Variants in CAMK4 observed in about 807,000 individuals in gnomAD.
The protein encoded by CAMK4 is calcium/calmodulin-dependent protein kinase type IV.
A neutral mutation model predicts 44.9 loss-of-function variants in CAMK4; 22 were observed. The ratio of observed to expected loss-of-function variants is 0.49; its 90% CI spans 0.35 to 0.70. The LOEUF (loss-of-function observed/expected upper bound fraction) is 0.70, where lower values mean the gene tolerates loss of function less well. Ranked by LOEUF, CAMK4 falls within the 30% of genes least tolerant of loss-of-function variation. The pLI is 0.01. For synonymous variants in CAMK4, 218 were observed against 215.4 expected, an observed-to-expected ratio of 1.01 and a Z score of -0.11; for missense variants, 498 against 586.8, an observed-to-expected ratio of 0.85 and a Z score of 1.56.
chr5:111,460,104 C>T lies in CAMK4; in HGVS notation c.625+10901C>T, dbSNP rs180687657. On this transcript the variant is annotated intron_variant, in intron 7 of 10. Transcript: ENST00000282356. ...TTGCTTAAAATGTCTTATTTTGGAC[C>T]AGAACACCCACAAAATGTTCCACTT... is the stretch of plus-strand genomic sequence containing the variant. Among the ~76,000 whole-genome samples, 72 of 151,758 alleles carry T rather than the reference C, an allele frequency of 4.7e-4. 1 individual carries two copies. Among genetic ancestry groups the T allele is most frequent in the Non-Finnish European group, 6.9e-4 (47 of 67,938 alleles).
At chr5:111,317,823 C>T (rs887573864) in intron 1 of CAMK4, among the ~76,000 whole-genome samples, 1 of 137,162 alleles carries the variant, frequency 7.3e-6, no homozygotes, top group Non-Finnish European at 1.5e-5. Flanking sequence ...ACAACGGGCC[C>T]TGTATTGTCT....
intron 2 of CAMK4, among the ~76,000 whole-genome samples, chr5:111,346,113 C>T (rs1017757699): frequency 1.3e-5 from 2 of 151,886 alleles, no homozygotes; most frequent in Non-Finnish European, 2.9e-5. Flanking sequence ...TTGCCTCTAG[C>T]GTTTCATTCC....
At chr5:111,324,710 C>A (rs560118890) in intron 1 of CAMK4, among the ~76,000 whole-genome samples, 2 of 152,014 alleles carry the variant, frequency 1.3e-5, no homozygotes, top group African/African-American at 4.8e-5. Context: ...TTGACACTTA[C>A]AGAACATCAG....
rs912038995 is a variant in CAMK4 at position 111,490,249 on chromosome 5, G to T, written c.*5783G>T. On this transcript the variant is annotated 3_prime_UTR_variant, in exon 11 of 11. Transcript: ENST00000282356. ...TTTGACAGTTTGTGAATGATAAAAA[G>T]TTACTAGGTTTGTCCTTTCCTTGAT... 2 of 152,142 alleles carry T rather than the reference G, an allele frequency of 1.3e-5. No homozygotes were observed. Among genetic ancestry groups the T allele is most frequent in the Non-Finnish European group, 2.9e-5 (2 of 68,034 alleles). The allele number at this position is 152,142 out of a possible 1,614,324, so 9.4% of individuals were successfully genotyped here.
At chr5:111,424,666 C>G (rs190515954) in intron 5 of CAMK4, among the ~76,000 whole-genome samples, 1 of 151,740 alleles carries the variant, frequency 6.6e-6, no homozygotes, top group East Asian at 2.0e-4. Flanking sequence ...CCAGGATGGT[C>G]TCGATCTCCT....
At chr5:111,392,510 G>A (rs576900083) in intron 4 of CAMK4, among the ~76,000 whole-genome samples, 2 of 152,070 alleles carry the variant, frequency 1.3e-5, no homozygotes, top group South Asian at 4.2e-4. Context: ...CAGTATTGCT[G>A]AGAGTACAGA....
chr5:111,349,512 A>G (rs1037246526), intron 2 of CAMK4, among the ~76,000 whole-genome samples: 2 of 151,902 alleles, frequency 1.3e-5, no homozygotes, highest in African/African-American at 4.8e-5. Context: ...TGAACTTAAA[A>G]CTATATCAAA....
At chr5:111,397,405 G>C (rs1208640048) in intron 5 of CAMK4, among the ~76,000 whole-genome samples, 1 of 152,150 alleles carries the variant, frequency 6.6e-6, no homozygotes, top group Non-Finnish European at 1.5e-5. Context: ...TTTATTAGAT[G>C]TTGTAGATGT....
chr5:111,357,156 A>G (rs767599332), intron 2 of CAMK4, among the ~76,000 whole-genome samples: 2 of 152,142 alleles, frequency 1.3e-5, no homozygotes, highest in African/African-American at 2.4e-5. Context: ...AAAAGGAGAT[A>G]TATAACCAAC....
intron 6 of CAMK4, among the ~76,000 whole-genome samples, chr5:111,448,323 A>G (rs1754101374): frequency 6.6e-6 from 1 of 152,240 alleles, no homozygotes; most frequent in Non-Finnish European, 1.5e-5. Context: ...TTCAAGCTGA[A>G]CAAACCTTTT....
intron 1 of CAMK4, among the ~76,000 whole-genome samples, chr5:111,268,933 T>C (rs1219203243): frequency 6.6e-6 from 1 of 152,092 alleles, no homozygotes; most frequent in African/African-American, 2.4e-5. Context: ...TTATATCAAT[T>C]TAAGAAAGGA....
Position 111,358,375 on chromosome 5 carries a change from G to A in CAMK4, c.240+14273G>A, listed in dbSNP as rs370870351. Among the ~76,000 whole-genome samples, 24 of 152,008 alleles carry A rather than the reference G, an allele frequency of 1.6e-4. No individual in the cohort carries two copies. The South Asian group carries it at 4.8e-3, about 30-fold the overall frequency. On this transcript the variant is annotated intron_variant, in intron 2 of 10. Transcript: ENST00000282356. ...GTATGAACACAGGTGTGGCTATATG[G>A]GTCAGATTCCAATTTCCTTCCTACT...
intron 5 of CAMK4, among the ~76,000 whole-genome samples, chr5:111,439,649 G>C (rs528943118): frequency 2.6e-5 from 4 of 152,164 alleles, no homozygotes; most frequent in African/African-American, 4.8e-5. Context: ...AAGTTGAATG[G>C]AGTCCAGAGC....
rs1454880618 is a variant in CAMK4, at chr5:111,290,829, C to T, written c.162-53195C>T. The stretch of plus-strand genomic sequence containing the variant: ...CTGGGGAGTAGAAAATCACACGTCT[C>T]TTGGAGGTTTATTTAAAAGTGAATA... On this transcript the variant is annotated intron_variant, in intron 1 of 10. Transcript: ENST00000282356. This position sits in a 1 kb window ranked among gnomAD's most constrained non-coding sequence, Gnocchi z 4.5. Among the ~76,000 whole-genome samples, 1 of 152,156 alleles carries T rather than the reference C, an allele frequency of 6.6e-6. No individual in the cohort carries two copies.
chr5:111,231,038 G>C (rs1388549860), intron 1 of CAMK4, among the ~76,000 whole-genome samples: 1 of 152,058 alleles, frequency 6.6e-6, no homozygotes, highest in Non-Finnish European at 1.5e-5. Context: ...CTTTACCTCA[G>C]TTTTCTTGAT....
chr5:111,399,116 G>C (rs459266), intron 5 of CAMK4, among the ~76,000 whole-genome samples: 141,125 of 152,228 alleles, frequency 0.93, 65,570 homozygotes, highest in East Asian at 1. Flanking sequence ...TTAACATATC[G>C]TAGGATGTCC....
At chr5:111,264,787 G>C (rs1297368131) in intron 1 of CAMK4, among the ~76,000 whole-genome samples, 8 of 152,054 alleles carry the variant, frequency 5.3e-5, no homozygotes, top group Non-Finnish European at 1.2e-4. Flanking sequence ...AGCATAGGTG[G>C]TGTTTTGCAG....
At position 111,384,092 on chromosome 5, in the gene CAMK4, A is replaced by G. The variant is rs1301662353; in HGVS notation, c.386+7150A>G. 2.0e-5 allele frequency among the ~76,000 whole-genome samples: 3 copies of G among 152,130 alleles called. 1 individual carries two copies. The highest frequency in any genetic ancestry group is 7.2e-5 in the African/African-American group (3 of 41,436). ...TTAAAGAAGGGAAATTGATCTCCTA[A>G]TATTAACTGGTAAAGAATGGAATAG... On this transcript the variant is annotated intron_variant, in intron 4 of 10. Transcript: ENST00000282356.
chr5:111,342,063 A>G (rs1017042292), intron 1 of CAMK4, among the ~76,000 whole-genome samples: 8 of 151,408 alleles, frequency 5.3e-5, no homozygotes, highest in African/African-American at 9.7e-5. Flanking sequence ...TGTGAGTCCT[A>G]TAACTTTGAA....
Sources: allele counts gnomAD v4.1 joint callset (sites outside exome capture counted in the v4.1 genomes callset), GRCh38; gene constraint gnomAD v4.1.1; non-coding constraint Gnocchi (gnomAD v3.1); transcripts MANE v1.5; gene names NCBI Gene and HGNC (gene_info 2026-07-23, HGNC 2026-07-21).